Variants in EVL observed in about 807,000 individuals in gnomAD.
EVL encodes the protein Enah/Vasp-like.
Under a neutral mutation model 59.6 loss-of-function variants are expected in EVL, and 21 were observed. The observed-to-expected ratio is 0.35, with a 90% CI of 0.25 to 0.51. The LOEUF (loss-of-function observed/expected upper bound fraction) is 0.51. Among genes scored for constraint, EVL ranks in the 20% least tolerant of loss-of-function variants. EVL has a pLI of 0.97. For synonymous variants in EVL, 198 were observed against 203.5 expected, an observed-to-expected ratio of 0.97 and a Z score of 0.23; for missense variants, 462 against 546.6, an observed-to-expected ratio of 0.85 and a Z score of 1.54.
chr14:100,027,602 A>T (rs1397080146), intron 1 of EVL, among the ~76,000 whole-genome samples: 1 of 152,186 alleles, frequency 6.6e-6, no homozygotes, highest in African/African-American at 2.4e-5. Context: ...CTTATGGCTG[A>T]ATAATATTCT....
chr14:100,050,049 C>T (rs1242127874), intron 1 of EVL, among the ~76,000 whole-genome samples: 1 of 152,160 alleles, frequency 6.6e-6, no homozygotes. Context: ...TTAGTCGATC[C>T]TCGCTCAAGG....
intron 3 of EVL, among the ~76,000 whole-genome samples, chr14:100,112,078 C>T (rs1036615149): frequency 1.3e-5 from 2 of 152,244 alleles, no homozygotes; most frequent in South Asian, 2.1e-4. Flanking sequence ...TTTTTCCTCG[C>T]GTAGCGTGTA....
At chr14:100,056,337 TCTG>T (rs1188192160) in intron 1 of EVL, among the ~76,000 whole-genome samples, 7 of 152,236 alleles carry the variant, frequency 4.6e-5, no homozygotes, top group South Asian at 2.1e-4. Flanking sequence ...CTTTGCCTCT[TCTG>T]CTGAGCATAC....
At chr14:100,052,588 C>T (rs1025852593) in intron 1 of EVL, among the ~76,000 whole-genome samples, 1 of 151,628 alleles carries the variant, frequency 6.6e-6, no homozygotes, top group Non-Finnish European at 1.5e-5. Flanking sequence ...CCTGTCTCTA[C>T]CCAAAAATAC....
chr14:100,128,484 G>A, intron 5 of EVL, 35 bp from the exon 6 acceptor site: 2 of 1,610,068 alleles, frequency 1.2e-6, no homozygotes, highest in Non-Finnish European at 1.7e-6. Context: ...CCAGCTGGGT[G>A]CTGGAGCTGG....
At chr14:100,000,509 G>A (rs975922336) in intron 1 of EVL, among the ~76,000 whole-genome samples, 3 of 151,910 alleles carry the variant, frequency 2.0e-5, no homozygotes, top group African/African-American at 4.8e-5. Flanking sequence ...CATCATGCCC[G>A]GCTCATTTCT....
chr14:100,068,013 G>A (rs760494169), intron 1 of EVL, among the ~76,000 whole-genome samples: 7 of 152,202 alleles, frequency 4.6e-5, no homozygotes, highest in Non-Finnish European at 7.3e-5. Flanking sequence ...TGCTCTGGGT[G>A]CTAGGGACAC....
rs1888385827 is a variant in EVL, at chr14:100,130,802, G to A, written c.839+1118G>A. Among the ~76,000 whole-genome samples the A allele has an allele frequency of 6.6e-6, 1 of 152,250 alleles. No homozygotes were observed. Among genetic ancestry groups the A allele is most frequent in the Non-Finnish European group, 1.5e-5 (1 of 68,046 alleles). ...GAGGCTCCCCGTGTGTCAGGGAGCA[G>A]CAAGGTGGATCCGCAGCACGGGCGT... On this transcript the variant is annotated intron_variant, in intron 7 of 13. Transcript: ENST00000392920. The surrounding 1 kb of genome is among the most constrained non-coding windows in gnomAD (Gnocchi z 4.8).
chr14:99,989,112 AAAC>A (rs980440831), intron 1 of EVL, among the ~76,000 whole-genome samples: 34 of 152,334 alleles, frequency 2.2e-4, no homozygotes, highest in Admixed American at 1.3e-3. Flanking sequence ...ATCTGTTTTA[AAAC>A]AACAACAACT....
chr14:100,120,493 G>T (rs190437642), intron 3 of EVL, among the ~76,000 whole-genome samples: 2 of 152,334 alleles, frequency 1.3e-5, no homozygotes, highest in Admixed American at 1.3e-4. Context: ...CATGGGCACC[G>T]GTTGGTGAGA....
At chr14:100,046,537 C>A (rs776265043) in intron 1 of EVL, among the ~76,000 whole-genome samples, 6 of 151,934 alleles carry the variant, frequency 3.9e-5, no homozygotes, top group Non-Finnish European at 7.4e-5. Flanking sequence ...CGTGTTGGCG[C>A]TTGCCTGTAA....
chr14:100,087,732 G>A (rs1366960744), intron 2 of EVL, among the ~76,000 whole-genome samples: 4 of 152,174 alleles, frequency 2.6e-5, no homozygotes, highest in African/African-American at 9.7e-5. Flanking sequence ...CAAATTCATG[G>A]AGGCAGAGGT....
intron 1 of EVL, among the ~76,000 whole-genome samples, chr14:100,049,421 G>A (rs771815338): frequency 6.6e-6 from 1 of 152,218 alleles, no homozygotes; most frequent in African/African-American, 2.4e-5. Flanking sequence ...CAGCGCCCTT[G>A]CTTCATTTTA....
At chr14:99,980,530 T>A (rs2060799568) in intron 1 of EVL, among the ~76,000 whole-genome samples, 2 of 152,358 alleles carry the variant, frequency 1.3e-5, no homozygotes, top group South Asian at 4.1e-4. Flanking sequence ...TTTATTGATA[T>A]TGGAGTTCTA....
Position 100,132,405 on chromosome 14 carries a change from T to C in EVL, c.840-314T>C, listed in dbSNP as rs369622817. Among the ~76,000 whole-genome samples the C allele has an allele frequency of 3.7e-4, 57 of 152,116 alleles. 2 individuals carry two copies. Among genetic ancestry groups the C allele is most frequent in the African/African-American group, 1.4e-3 (57 of 41,478 alleles). Reference sequence around the variant, plus strand: ...CCTTCAGTGTCCTGGGGACAGAGCGTGCCCGCCTCCCCTCCACGCCTCAGA... The same window carrying C: ...CCTTCAGTGTCCTGGGGACAGAGCGCGCCCGCCTCCCCTCCACGCCTCAGA... On this transcript the variant is annotated intron_variant, in intron 7 of 13. Transcript: ENST00000392920.
At position 100,143,844 on chromosome 14, in the gene EVL, C is replaced by G; in HGVS notation, c.*106C>G. Reference sequence around the variant, plus strand: ...AGTGCACCAGAGCACGCACAGGAGCCTGGGCGCGCTGCTGTGAAACGTCCT... The same window carrying G: ...AGTGCACCAGAGCACGCACAGGAGCGTGGGCGCGCTGCTGTGAAACGTCCT... On this transcript the variant is annotated 3_prime_UTR_variant, in exon 14 of 14. Coordinates refer to ENST00000392920, the MANE Select transcript of EVL (RefSeq NM_016337.3). 7.3e-7 allele frequency: 1 copy of G among 1,363,136 alleles called. No individual in the cohort carries two copies. The highest frequency in any genetic ancestry group is 1.0e-6 in the Non-Finnish European group (1 of 985,858). The allele number at this position is 1,363,136 out of a possible 1,614,324, so 84.4% of individuals were successfully genotyped here. A position where few individuals can be genotyped will look rare whatever the true frequency, so the allele number is the denominator to read the frequency against.
intron 1 of EVL, among the ~76,000 whole-genome samples, chr14:100,082,127 A>AAAAT (rs770176139): frequency 2.6e-5 from 4 of 152,150 alleles, no homozygotes; most frequent in Non-Finnish European, 4.4e-5. Flanking sequence ...CCGTCTCAAA[A>AAAAT]AAATAAATAA....
chr14:100,112,554 C>T (rs1887071487), intron 3 of EVL, among the ~76,000 whole-genome samples: 1 of 152,194 alleles, frequency 6.6e-6, no homozygotes, highest in African/African-American at 2.4e-5. Flanking sequence ...TTCCTCCCTA[C>T]TCTCTACCTC....
intron 1 of EVL, among the ~76,000 whole-genome samples, chr14:99,981,923 A>T (rs552741659): frequency 6.6e-6 from 1 of 152,334 alleles, no homozygotes; most frequent in East Asian, 1.9e-4. Flanking sequence ...GATAAGCTTG[A>T]TGAAGGGACT....
Sources: gnomAD v4.1 joint callset for allele counts (sites outside exome capture counted in the v4.1 genomes callset) on GRCh38, gnomAD v4.1.1 for gene constraint, Gnocchi (gnomAD v3.1) non-coding constraint, MANE v1.5 for transcripts, NCBI Gene and HGNC (gene_info 2026-07-23, HGNC 2026-07-21) for gene names.